KIAA0513: variants seen among roughly 807,000 people sequenced by gnomAD.
KIAA0513 encodes the protein KIAA0513.
A neutral mutation model predicts 56.5 loss-of-function variants in KIAA0513; 39 were observed. The ratio of observed to expected loss-of-function variants is 0.69; its 90% confidence interval spans 0.53 to 0.90. The LOEUF is 0.90. KIAA0513 is among the 40% of genes least tolerant of loss of function. The pLI, the probability that KIAA0513 is intolerant of heterozygous loss-of-function variation, is 0.00. For missense variants in KIAA0513, 591 were observed against 535.2 expected (o/e 1.10, Z -1.03); for synonymous variants, 268 against 215.6 (o/e 1.24, Z -2.13).
In KIAA0513 at chr16:85,071,865, C is replaced by T. The variant is rs867351382; in HGVS notation, c.412C>T (p.Arg138Ter). 4 of 1,608,580 alleles carry T rather than the reference C, an allele frequency of 2.5e-6. No homozygotes were observed. Among genetic ancestry groups the T allele is most frequent in the African/African-American group, 2.7e-5 (2 of 73,260 alleles). Reference sequence around the variant, plus strand: ...TGGAAAAGGCCGGGAGTGGTTTGCTCGATACGTGAGTGCCCAGGTAAGGGC... The same window carrying T: ...TGGAAAAGGCCGGGAGTGGTTTGCTTGATACGTGAGTGCCCAGGTAAGGGC... The part of the protein sequence containing the change: ...ENGKGREWFA[R>*]YVSAQRCNSK... The change falls in exon 3 of 13, where the codon CGA becomes TGA. Residue 138 changes from arginine to a stop codon, truncating the protein, a stop_gained. Transcript: ENST00000683363. LOFTEE classifies it high-confidence loss of function.
At chr16:85,069,554 C>T (rs72805413) in intron 2 of KIAA0513, among the ~76,000 whole-genome samples, 6,035 of 152,054 alleles carry the variant, frequency 0.04, 130 homozygotes, top group Non-Finnish European at 0.053. Context: ...TTCCCTACCC[C>T]GGTTCACTGC....
intron 6 of KIAA0513, 90 bp downstream of exon 6, chr16:85,077,722 G>C: frequency 1.1e-6 from 1 of 943,930 alleles, no homozygotes; most frequent in South Asian, 1.6e-5. Flanking sequence ...GAGGGTGCGG[G>C]TGAGGCCCAG....
Position 85,092,964 on chromosome 16 carries a change from CCCTCAGGGGGCCTGCCTTCTGCG to C in KIAA0513, c.*4646_*4668del, listed in dbSNP as rs1567553047. The stretch of plus-strand genomic sequence containing the variant: ...GCCCGGAAGCCGCCCTCCATACAGG[CCCTCAGGGGGCCTGCCTTCTGCG>C]CCTCAGTCCCCCGTGCATCCCTGGG... On this transcript the variant is annotated 3_prime_UTR_variant, in exon 13 of 13. Coordinates refer to ENST00000683363, the MANE Select transcript of KIAA0513 (RefSeq NM_001388359.1). The C allele has an allele frequency of 6.6e-6, 1 of 152,378 alleles. No homozygotes were observed. Among genetic ancestry groups the C allele is most frequent in the Admixed American group, 6.5e-5 (1 of 15,290 alleles). 9.4% of individuals were successfully genotyped at this position (152,378 alleles called of 1,614,324 possible).
rs376155368 is a variant in KIAA0513, at chr16:85,079,948, C to G, written c.902+945C>G. Among the ~76,000 whole-genome samples, 7 of 152,320 alleles carry G rather than the reference C, an allele frequency of 4.6e-5. No individual in the cohort carries two copies. In the East Asian group the frequency reaches 1.2e-3, roughly 25 times the overall value. ...CGTTAATCTCTCTGAAGCCTCTCCT[C>G]GACATATTTTAGAGTGCTTTGCTAG... On this transcript the variant is annotated intron_variant, in intron 8 of 12. Transcript: ENST00000683363.
intron 1 of KIAA0513, among the ~76,000 whole-genome samples, chr16:85,054,095 G>A (rs2073293645): frequency 6.6e-6 from 1 of 152,216 alleles, no homozygotes; most frequent in South Asian, 2.1e-4. Context: ...AGGAGGTGGA[G>A]GTTGCAGTGA....
intron 1 of KIAA0513, among the ~76,000 whole-genome samples, chr16:85,056,547 C>T (rs538594328): frequency 6.6e-6 from 1 of 152,306 alleles, no homozygotes; most frequent in Admixed American, 6.5e-5. Context: ...TAAAACCCAC[C>T]CAGCCTTCCA....
Position 85,078,909 on chromosome 16 carries a change from C to T in KIAA0513, c.824-16C>T, listed in dbSNP as rs1036739675. ...GCAACCAGAGCTGCTTTCAGCCATT[C>T]TCTCTCCTCCCACAGTGACCGCGTA... On this transcript the variant is annotated splice_polypyrimidine_tract_variant and intron_variant, in intron 7 of 12. Coordinates refer to ENST00000683363, the MANE Select transcript of KIAA0513 (RefSeq NM_001388359.1). The T allele has an allele frequency of 3.7e-6, 6 of 1,614,036 alleles. No homozygotes were observed. The highest frequency in any genetic ancestry group is 2.2e-5 in the East Asian group (1 of 44,880).
At chr16:85,057,507 T>G (rs2073346461) in intron 1 of KIAA0513, among the ~76,000 whole-genome samples, 1 of 152,132 alleles carries the variant, frequency 6.6e-6, no homozygotes, top group African/African-American at 2.4e-5. Context: ...TGGGTGGAGC[T>G]CACCTTTGCT....
rs2073740190 is a variant in KIAA0513 at position 85,081,274 on chromosome 16, C to T, written c.903-41C>T. On this transcript the variant is annotated intron_variant, in intron 8 of 12. Transcript: ENST00000683363. This position sits in a 1 kb window ranked among gnomAD's most constrained non-coding sequence, Gnocchi z 4.4. ...GGGCCCACAACCCGTGTCCTCCCCG[C>T]CTCCCCTTGGAGAGAGTGTGACTGG... 6 of 1,594,088 alleles carry T rather than the reference C, an allele frequency of 3.8e-6. No individual in the cohort carries two copies. The highest frequency in any genetic ancestry group is 5.2e-6 in the Non-Finnish European group (6 of 1,162,406).
intron 1 of KIAA0513, among the ~76,000 whole-genome samples, chr16:85,041,879 T>G (rs910381838): frequency 4.6e-5 from 7 of 152,194 alleles, no homozygotes; most frequent in African/African-American, 1.7e-4. Context: ...ACCTTGTCAC[T>G]TCACTCTCTG....
At chr16:85,030,876 A>G (rs1164419102) in intron 1 of KIAA0513, among the ~76,000 whole-genome samples, 1 of 152,210 alleles carries the variant, frequency 6.6e-6, no homozygotes, top group Non-Finnish European at 1.5e-5. Flanking sequence ...GTTGGCCAGT[A>G]AATGTTTCGG....
intron 1 of KIAA0513, among the ~76,000 whole-genome samples, chr16:85,029,943 C>T (rs2072939778): frequency 6.6e-6 from 1 of 152,188 alleles, no homozygotes; most frequent in South Asian, 2.1e-4. Context: ...CTCTTTGCTA[C>T]TGGGGGCACA....
intron 1 of KIAA0513, among the ~76,000 whole-genome samples, chr16:85,028,606 G>A (rs1174407901): frequency 1.3e-5 from 2 of 152,166 alleles, no homozygotes. Flanking sequence ...TTCTGGAGCT[G>A]GGTGCGTGCC....
chr16:85,050,336 TTTATTTATTTA>T (rs1567527312), intron 1 of KIAA0513, among the ~76,000 whole-genome samples: 18 of 115,196 alleles, frequency 1.6e-4, no homozygotes, highest in Non-Finnish European at 8.6e-5. Flanking sequence ...TATTTATTTA[TTTATTTATTTA>T]TTTATTTATT....
intron 1 of KIAA0513, among the ~76,000 whole-genome samples, chr16:85,045,903 T>C (rs191880461): frequency 2.6e-5 from 4 of 152,262 alleles, no homozygotes; most frequent in Admixed American, 2.6e-4. Context: ...TCTGTACTTA[T>C]CTTAGTCCCA....
chr16:85,061,563 C>T (rs1010674586), intron 1 of KIAA0513, among the ~76,000 whole-genome samples: 2 of 152,092 alleles, frequency 1.3e-5, no homozygotes, highest in Non-Finnish European at 1.5e-5. Context: ...CTTGGGGACA[C>T]GAAAAGAGAG....
chr16:85,067,033 C>G lies in KIAA0513; in HGVS notation c.-39C>G, dbSNP rs1227064483. 6.6e-7 allele frequency: 1 copy of G among 1,504,906 alleles called. No individual in the cohort carries two copies. The highest frequency in any genetic ancestry group is 2.1e-5 in the Admixed American group (1 of 46,750). The allele number at this position is 1,504,906 out of a possible 1,614,324, so 93.2% of individuals were successfully genotyped here. A position where few individuals can be genotyped will look rare whatever the true frequency, so the allele number is the denominator to read the frequency against. On this transcript the variant is annotated 5_prime_UTR_variant, in exon 2 of 13. Coordinates refer to ENST00000683363, the MANE Select transcript of KIAA0513 (RefSeq NM_001388359.1). ...GCTGCTGGGCTCCCCTCTAGGCAGC[C>G]TCCCCTCCAGGCAGCCTCACCAGCA...
At chr16:85,079,444 T>C in intron 8 of KIAA0513, 1 of 178,828 alleles carries the variant, frequency 5.6e-6, no homozygotes, top group Non-Finnish European at 1.2e-5. Context: ...ATCCGTTGCA[T>C]GGACTATTAG....
At chr16:85,061,552 T>G (rs2073404933) in intron 1 of KIAA0513, among the ~76,000 whole-genome samples, 1 of 152,078 alleles carries the variant, frequency 6.6e-6, no homozygotes, top group Non-Finnish European at 1.5e-5. Flanking sequence ...ATTTGGGAGT[T>G]CTTGGGGACA....
Sources: gnomAD v4.1 joint callset for allele counts (sites outside exome capture counted in the v4.1 genomes callset) on GRCh38, gnomAD v4.1.1 for gene constraint, Gnocchi (gnomAD v3.1) non-coding constraint, MANE v1.5 for transcripts, NCBI Gene and HGNC (gene_info 2026-07-23, HGNC 2026-07-21) for gene names.